Variants in GRM3 observed in about 807,000 individuals in gnomAD.
The protein encoded by GRM3 is glutamate metabotropic receptor 3, also known as metabotropic glutamate receptor 3.
In GRM3, 26 loss-of-function variants were observed where a neutral mutation model predicts 70.5. The observed-to-expected ratio is 0.37, with a 90% confidence interval of 0.27 to 0.51. The LOEUF (loss-of-function observed/expected upper bound fraction) is 0.51, where lower values mean the gene tolerates loss of function less well. Among genes scored for constraint, GRM3 ranks in the 20% least tolerant of loss-of-function variants. The pLI is 0.93. For missense variants in GRM3, 859 were observed against 1,123.8 expected (o/e 0.76, Z 3.37); for synonymous variants, 443 against 434.9 (o/e 1.02, Z -0.23).
intron 2 of GRM3, among the ~76,000 whole-genome samples, chr7:86,781,510 C>T (rs1371730582): frequency 6.6e-6 from 1 of 152,142 alleles, no homozygotes; most frequent in Non-Finnish European, 1.5e-5. Context: ...CAGGAATTTA[C>T]ATCTCTTCCT....
At chr7:86,777,032 C>T (rs1157320451) in intron 2 of GRM3, among the ~76,000 whole-genome samples, 1 of 152,222 alleles carries the variant, frequency 6.6e-6, no homozygotes, top group East Asian at 1.9e-4. Context: ...CCTGCTAAAT[C>T]TGGATGGAAA....
At chr7:86,680,603 C>T (rs995667767) in intron 1 of GRM3, among the ~76,000 whole-genome samples, 10 of 152,036 alleles carry the variant, frequency 6.6e-5, no homozygotes, top group Non-Finnish European at 1.0e-4. Flanking sequence ...GACATTTTGT[C>T]CTTAGTACCC....
chr7:86,719,607 T>C (rs1795406898), intron 1 of GRM3, among the ~76,000 whole-genome samples: 1 of 151,970 alleles, frequency 6.6e-6, no homozygotes, highest in African/African-American at 2.4e-5. Context: ...AAATCATAAA[T>C]CAATTGTGGA....
At chr7:86,727,061 C>T (rs900568140) in intron 1 of GRM3, among the ~76,000 whole-genome samples, 1 of 152,154 alleles carries the variant, frequency 6.6e-6, no homozygotes, top group African/African-American at 2.4e-5. Context: ...GAATAAGACA[C>T]AGTTCTCTTT....
chr7:86,772,985 T>C (rs10262456), intron 2 of GRM3, among the ~76,000 whole-genome samples: 1 of 148,842 alleles, frequency 6.7e-6, no homozygotes, highest in African/African-American at 2.5e-5. Flanking sequence ...TAAAACTGAG[T>C]TTTTTTTTTA....
At chr7:86,756,832 G>A (rs1185287882) in intron 1 of GRM3, among the ~76,000 whole-genome samples, 1 of 152,038 alleles carries the variant, frequency 6.6e-6, no homozygotes, top group Non-Finnish European at 1.5e-5. Context: ...TTTTGCATGT[G>A]TTAGACTACT....
At chr7:86,691,524 A>C (rs1794696748) in intron 1 of GRM3, among the ~76,000 whole-genome samples, 1 of 152,206 alleles carries the variant, frequency 6.6e-6, no homozygotes, top group Admixed American at 6.5e-5. Context: ...AGGCATATTA[A>C]AATAAGTTTG....
chr7:86,645,990 GGTGGGGGTGGGGGGGTGGGGGGGGGT>G (rs1793454857), intron 1 of GRM3, among the ~76,000 whole-genome samples: 1 of 22,916 alleles, frequency 4.4e-5, no homozygotes, highest in African/African-American at 1.4e-4. Context: ...TGGGCGGGGG[GGTGGGGGTGGGGGGGTGGGGGGGGGT>G]GGGAGGGAGT....
At chr7:86,772,732 AG>A (rs1241273645) in intron 2 of GRM3, among the ~76,000 whole-genome samples, 2 of 152,078 alleles carry the variant, frequency 1.3e-5, no homozygotes, top group African/African-American at 2.4e-5. Flanking sequence ...CCTCAAGAAA[AG>A]CAGAGTGACA....
intron 1 of GRM3, among the ~76,000 whole-genome samples, chr7:86,719,421 C>A (rs1795400832): frequency 6.6e-6 from 1 of 151,946 alleles, no homozygotes; most frequent in Admixed American, 6.6e-5. Flanking sequence ...CACATGTGGA[C>A]CTACTCCTAA....
At chr7:86,762,211 G>A (rs1796496470) in intron 1 of GRM3, among the ~76,000 whole-genome samples, 1 of 152,088 alleles carries the variant, frequency 6.6e-6, no homozygotes. Flanking sequence ...TTCTACTACA[G>A]TATCAACTTT....
intron 1 of GRM3, among the ~76,000 whole-genome samples, chr7:86,697,490 C>T (rs1335993355): frequency 6.6e-6 from 1 of 151,932 alleles, no homozygotes; most frequent in Non-Finnish European, 1.5e-5. Context: ...GACTTTGTTC[C>T]TTAAGAGAGA....
intron 1 of GRM3, among the ~76,000 whole-genome samples, chr7:86,694,947 G>T (rs182772582): frequency 1.4e-4 from 21 of 152,282 alleles, no homozygotes; most frequent in Admixed American, 1.3e-3. Flanking sequence ...GGGTAATGAA[G>T]GAAGATCAAG....
intron 3 of GRM3, among the ~76,000 whole-genome samples, chr7:86,837,126 G>C (rs1798472009): frequency 6.6e-6 from 1 of 152,120 alleles, no homozygotes; most frequent in Non-Finnish European, 1.5e-5. Flanking sequence ...ATAATAAATT[G>C]GGCATATAAT....
intron 5 of GRM3, among the ~76,000 whole-genome samples, chr7:86,852,540 G>T (rs1798773308): frequency 6.6e-6 from 1 of 152,044 alleles, no homozygotes. Flanking sequence ...GACCCAATTA[G>T]TACTTCAAGA....
chr7:86,859,903 C>A (rs1798923124), intron 5 of GRM3, among the ~76,000 whole-genome samples: 1 of 152,152 alleles, frequency 6.6e-6, no homozygotes, highest in Non-Finnish European at 1.5e-5. Flanking sequence ...CACTGATCTT[C>A]AACGTTTCAC....
At chr7:86,782,866 G>C (rs570394043) in intron 2 of GRM3, among the ~76,000 whole-genome samples, 141 of 152,250 alleles carry the variant, frequency 9.3e-4, no homozygotes, top group African/African-American at 3.2e-3. Context: ...CTCTTTTAAA[G>C]TATTTTTTTC....
chr7:86,816,285 G>A (rs1384565627), intron 3 of GRM3, among the ~76,000 whole-genome samples: 1 of 151,786 alleles, frequency 6.6e-6, no homozygotes, highest in Non-Finnish European at 1.5e-5. Flanking sequence ...TAAGCGACAA[G>A]CACTTTTTTT....
chr7:86,759,832 G>T (rs1256172898), intron 1 of GRM3, among the ~76,000 whole-genome samples: 1 of 152,050 alleles, frequency 6.6e-6, no homozygotes, highest in African/African-American at 2.4e-5. Flanking sequence ...GACTTCTGGG[G>T]AAAAATACCC....
Sources: allele counts gnomAD v4.1 joint callset (sites outside exome capture counted in the v4.1 genomes callset), GRCh38; gene constraint gnomAD v4.1.1; transcripts MANE v1.5; gene names NCBI Gene and HGNC (gene_info 2026-07-23, HGNC 2026-07-21).